CBFA2T3: variants seen among roughly 807,000 people sequenced by gnomAD.
CBFA2T3 encodes the protein CBFA2/RUNX1 partner transcriptional co-repressor 3.
CBFA2T3 carries 31 observed loss-of-function variants against 58.6 expected under a neutral mutation model. The ratio of observed to expected loss-of-function variants is 0.53; its 90% CI spans 0.40 to 0.71. CBFA2T3 has a LOEUF of 0.71. Among genes scored for constraint, CBFA2T3 ranks in the 30% least tolerant of loss-of-function variants. CBFA2T3 has a pLI of 0.00. For missense variants in CBFA2T3, 1,076 were observed against 963.1 expected (o/e 1.12, Z -1.55); for synonymous variants, 531 against 421.9 (o/e 1.26, Z -3.17).
chr16:88,881,275 C>G lies in CBFA2T3; in HGVS notation c.1402+16G>C, dbSNP rs766247590. The G allele has an allele frequency of 9.4e-6, 15 of 1,595,026 alleles. 1 individual carries two copies. The Admixed American group carries it at 1.0e-4, about 11-fold the overall frequency. Reference sequence around the variant, plus strand: ...GCACCCCGTGTCTGCTCCCTCCCCCCACACCCCACACGCACCTAGCTGAGG... The same window carrying G: ...GCACCCCGTGTCTGCTCCCTCCCCCGACACCCCACACGCACCTAGCTGAGG... On this transcript the variant is annotated intron_variant, in intron 9 of 11. Coordinates refer to ENST00000268679, the MANE Select transcript of CBFA2T3 (RefSeq NM_005187.6).
chr16:88,875,124 G>T lies in CBFA2T3; in HGVS notation c.*1852C>A. The T allele has an allele frequency of 8.5e-6, 2 of 234,532 alleles. No individual in the cohort carries two copies. Among genetic ancestry groups the T allele is most frequent in the Non-Finnish European group, 8.4e-6 (1 of 119,302 alleles). The allele number at this position is 234,532 out of a possible 1,614,324, so 14.5% of individuals were successfully genotyped here. On this transcript the variant is annotated 3_prime_UTR_variant, in exon 12 of 12. Coordinates refer to ENST00000268679, the MANE Select transcript of CBFA2T3 (RefSeq NM_005187.6). ...GGCCACGGGCCACGCCACACACACA[G>T]ATGCCAGGCCACGGGCCACGCCACG...
At chr16:88,929,346 C>T (rs570102439) in intron 1 of CBFA2T3, among the ~76,000 whole-genome samples, 6 of 152,338 alleles carry the variant, frequency 3.9e-5, no homozygotes, top group South Asian at 2.1e-4. Flanking sequence ...GCTGCTCCCA[C>T]GGGCCTGCGG....
intron 1 of CBFA2T3, among the ~76,000 whole-genome samples, chr16:88,964,109 C>T (rs947750322): frequency 3.3e-5 from 5 of 152,222 alleles, no homozygotes; most frequent in Non-Finnish European, 5.9e-5. Flanking sequence ...CTGGGCCGAT[C>T]GGCTTAAAGG....
At chr16:88,896,952 A>G (rs1026647910) in intron 3 of CBFA2T3, among the ~76,000 whole-genome samples, 2 of 152,218 alleles carry the variant, frequency 1.3e-5, no homozygotes, top group African/African-American at 4.8e-5. Context: ...CCCCGGCACA[A>G]GCGCTTTCAT....
chr16:88,892,781 C>T (rs1239617677), intron 3 of CBFA2T3, among the ~76,000 whole-genome samples: 1 of 152,200 alleles, frequency 6.6e-6, no homozygotes, highest in African/African-American at 2.4e-5. Context: ...GCCTCTTTGC[C>T]CCAGGTCCCC....
chr16:88,955,027 C>T (rs1972183095), intron 1 of CBFA2T3, among the ~76,000 whole-genome samples: 1 of 52,294 alleles, frequency 1.9e-5, no homozygotes, highest in Non-Finnish European at 3.6e-5. Flanking sequence ...CCTGACTCCA[C>T]CCAAGGCTCC....
intron 1 of CBFA2T3, among the ~76,000 whole-genome samples, chr16:88,913,653 C>T (rs1408689722): frequency 6.6e-6 from 1 of 152,196 alleles, no homozygotes; most frequent in African/African-American, 2.4e-5. Context: ...GGGGGGGTCT[C>T]AGCCGGGACC....
At chr16:88,945,198 A>G (rs1031507903) in intron 1 of CBFA2T3, among the ~76,000 whole-genome samples, 1 of 152,254 alleles carries the variant, frequency 6.6e-6, no homozygotes, top group Non-Finnish European at 1.5e-5. Flanking sequence ...TTCATTAAAA[A>G]TATCTGAATA....
At position 88,966,393 on chromosome 16, in the gene CBFA2T3, G is replaced by A. The variant is rs140865029; in HGVS notation, c.151+10264C>T. ...ACAGAGGAGAGCAGAGCGGGGGATC[G>A]CGAGTCCACAGACCTCCCGGCCCCT... On this transcript the variant is annotated intron_variant, in intron 1 of 11. Coordinates refer to ENST00000268679, the MANE Select transcript of CBFA2T3 (RefSeq NM_005187.6). 5.7e-3 allele frequency among the ~76,000 whole-genome samples: 873 copies of A among 152,258 alleles called. 9 individuals are homozygous for A. Among genetic ancestry groups the A allele is most frequent in the Middle Eastern group, 0.031 (9 of 294 alleles).
intron 1 of CBFA2T3, among the ~76,000 whole-genome samples, chr16:88,973,236 C>G (rs1972701829): frequency 6.6e-6 from 1 of 152,228 alleles, no homozygotes; most frequent in Non-Finnish European, 1.5e-5. Flanking sequence ...GGCTGGAGCT[C>G]TGGCCTAGGG....
intron 3 of CBFA2T3, among the ~76,000 whole-genome samples, chr16:88,893,632 TAAGG>T (rs1262227079): frequency 2.0e-5 from 3 of 152,116 alleles, no homozygotes; most frequent in African/African-American, 4.8e-5. Context: ...GCAGGTGACA[TAAGG>T]AACAGCTGAT....
rs147189487 is a variant in CBFA2T3 at position 88,876,396 on chromosome 16, G to A, written c.*580C>T. 32 of 229,850 alleles carry A rather than the reference G, an allele frequency of 1.4e-4. No individual in the cohort carries two copies. The East Asian group carries it at 1.9e-3, about 14-fold the overall frequency. 14.2% of individuals were successfully genotyped at this position (229,850 alleles called of 1,614,324 possible). ...GCCCCTGGGGGAGGGGCACAGCTGG[G>A]TTCAGATCTCCAGCTATAAAATCGC... On this transcript the variant is annotated 3_prime_UTR_variant, in exon 12 of 12. Coordinates refer to ENST00000268679, the MANE Select transcript of CBFA2T3 (RefSeq NM_005187.6).
chr16:88,956,726 G>A (rs529798088), intron 1 of CBFA2T3, among the ~76,000 whole-genome samples: 2 of 152,332 alleles, frequency 1.3e-5, no homozygotes, highest in Non-Finnish European at 2.9e-5. Flanking sequence ...AGAAAGAGGC[G>A]CTCCAGGCGT....
intron 1 of CBFA2T3, among the ~76,000 whole-genome samples, chr16:88,956,394 C>T: frequency 6.6e-6 from 1 of 152,258 alleles, no homozygotes; most frequent in East Asian, 1.9e-4. Context: ...CCCCAGGGGT[C>T]TCAGGGCTCT....
At chr16:88,967,523 G>C (rs909387508) in intron 1 of CBFA2T3, among the ~76,000 whole-genome samples, 3 of 152,160 alleles carry the variant, frequency 2.0e-5, no homozygotes, top group African/African-American at 7.2e-5. Context: ...GGGTGGCTAA[G>C]CCTCTGAGCT....
chr16:88,962,524 T>C (rs1028428326), intron 1 of CBFA2T3, among the ~76,000 whole-genome samples: 2 of 152,038 alleles, frequency 1.3e-5, no homozygotes, highest in African/African-American at 4.8e-5. Flanking sequence ...CTGTCGTGAG[T>C]CCCGAAGGAG....
intron 1 of CBFA2T3, among the ~76,000 whole-genome samples, chr16:88,919,800 C>T (rs971043555): frequency 2.0e-5 from 3 of 152,220 alleles, no homozygotes; most frequent in African/African-American, 7.2e-5. Flanking sequence ...AATCCGTGGA[C>T]ACTGTTTCAA....
intron 1 of CBFA2T3, among the ~76,000 whole-genome samples, chr16:88,942,139 C>T (rs1439609518): frequency 6.6e-6 from 1 of 152,204 alleles, no homozygotes; most frequent in African/African-American, 2.4e-5. Context: ...CGCCCCGAGC[C>T]GCTGCTCTGC....
rs1473927688 is a variant in CBFA2T3 at position 88,880,786 on chromosome 16, C to T, written c.1405G>A (p.Val469Met). The change falls in exon 10 of 12, where the codon GTG becomes ATG. Residue 469 changes from valine to methionine, a missense_variant and splice_region_variant. Physicochemically the swap from Val to Met is conservative, Grantham distance 21. Coordinates refer to ENST00000268679, the MANE Select transcript of CBFA2T3 (RefSeq NM_005187.6). ...SAGPEGPQLD[V>M]PREFLPRTLT... ...GTCCTCGGCAGGAACTCGCGAGGCA[C>T]GTCTGAAACAGGGGCCGGCGTCACA... is the stretch of plus-strand genomic sequence containing the variant. 5.1e-6 allele frequency: 8 copies of T among 1,582,006 alleles called. No homozygotes were observed. The highest frequency in any genetic ancestry group is 2.3e-5 in the East Asian group (1 of 43,186).
Sources: allele counts gnomAD v4.1 joint callset (sites outside exome capture counted in the v4.1 genomes callset), GRCh38; gene constraint gnomAD v4.1.1; transcripts MANE v1.5; gene names NCBI Gene and HGNC (gene_info 2026-07-23, HGNC 2026-07-21).